LARP1: variants seen among roughly 807,000 people sequenced by gnomAD.
LARP1 encodes the protein la-related protein 1.
LARP1 carries 36 observed loss-of-function variants against 122.7 expected under a neutral mutation model. The observed-to-expected ratio is 0.29, with a 90% CI of 0.22 to 0.39. LARP1 has a LOEUF of 0.39. Ranked by LOEUF, LARP1 falls within the 10% of genes least tolerant of loss-of-function variation. LARP1 has a pLI of 1.00. For missense variants in LARP1, 1,040 were observed against 1,403.6 expected (o/e 0.74, Z 4.14); for synonymous variants, 539 against 528.7 (o/e 1.02, Z -0.27).
At chr5:154,768,240 G>A (rs1755109913) in intron 1 of LARP1, among the ~76,000 whole-genome samples, 2 of 152,188 alleles carry the variant, frequency 1.3e-5, no homozygotes, top group Non-Finnish European at 2.9e-5. Context: ...ATGATTTGTT[G>A]TAGGGTTCTG....
Position 154,713,112 on chromosome 5 carries a change from G to T in LARP1, c.187G>T (p.Ala63Ser), listed in dbSNP as rs147372506. 7.1e-5 allele frequency: 114 copies of T among 1,613,664 alleles called. 2 individuals are homozygous for T. In the East Asian group the frequency reaches 2.3e-3, roughly 32 times the overall value. ...GAAGCCATTGCCATTCCCTGTCCTGGCCCCCTTCAGCAACCCTGGTGAGTC... is the reference window on the plus strand; with the variant it reads ...GAAGCCATTGCCATTCCCTGTCCTGTCCCCCTTCAGCAACCCTGGTGAGTC... Residue 63 changes from alanine to serine, a missense_variant, in exon 1 of 19, where the codon GCC becomes TCC. Transcript: ENST00000336314.
intron 1 of LARP1, among the ~76,000 whole-genome samples, chr5:154,739,817 C>T (rs1343225483): frequency 6.6e-6 from 1 of 152,224 alleles, no homozygotes; most frequent in Non-Finnish European, 1.5e-5. Flanking sequence ...AGCCACCCCT[C>T]TGAATTTCCA....
At chr5:154,792,500 C>T (rs1259099879) in intron 3 of LARP1, 122 bp from the exon 4 acceptor site, 1 of 844,250 alleles carries the variant, frequency 1.2e-6, no homozygotes, top group African/African-American at 1.7e-5. Flanking sequence ...AGAATACATC[C>T]CATCCAGCCT....
chr5:154,742,729 C>CAAAAAA (rs542787090), intron 1 of LARP1, among the ~76,000 whole-genome samples: 1 of 77,408 alleles, frequency 1.3e-5, no homozygotes, highest in African/African-American at 4.9e-5. Context: ...GACCCTGTCT[C>CAAAAAA]AAAAAAAAAA....
intron 1 of LARP1, among the ~76,000 whole-genome samples, chr5:154,695,923 G>A (rs1006685962): frequency 1.3e-5 from 2 of 152,032 alleles, no homozygotes; most frequent in African/African-American, 4.8e-5. Flanking sequence ...CTCCATACAC[G>A]GAATCACAAT....
chr5:154,703,305 G>T (rs1314868649), intron 1 of LARP1, among the ~76,000 whole-genome samples: 1 of 152,118 alleles, frequency 6.6e-6, no homozygotes, highest in South Asian at 2.1e-4. Flanking sequence ...TGAAATAAAG[G>T]ACCTTATGCC....
At position 154,755,686 on chromosome 5, in the gene LARP1, C is replaced by G. The variant is rs188723605; in HGVS notation, c.-72C>G. 1.0e-6 allele frequency: 1 copy of G among 987,702 alleles called. No individual in the cohort carries two copies. The highest frequency in any genetic ancestry group is 1.7e-5 in the African/African-American group (1 of 57,242). 61.2% of individuals were successfully genotyped at this position (987,702 alleles called of 1,614,324 possible). ...CCCGGAGGAAGGCGTCGCGGGCGCT[C>G]TGCTAGCCAAGTTCGAGGCGGGGGA... On this transcript the variant is annotated 5_prime_UTR_variant, in exon 1 of 19. Transcript: ENST00000518297.
chr5:154,694,832 T>G (rs2113221243), intron 1 of LARP1, among the ~76,000 whole-genome samples: 1 of 152,200 alleles, frequency 6.6e-6, no homozygotes, highest in East Asian at 1.9e-4. Context: ...GTATAGGTAT[T>G]TGGTTTATTG....
Position 154,755,647 on chromosome 5 carries a change from C to G in LARP1, c.-111C>G. 1 of 987,640 alleles carries G rather than the reference C, an allele frequency of 1.0e-6. No individual in the cohort carries two copies. The highest frequency in any genetic ancestry group is 1.2e-6 in the Non-Finnish European group (1 of 830,216). The allele number at this position is 987,640 out of a possible 1,614,324, so 61.2% of individuals were successfully genotyped here. A position where few individuals can be genotyped will look rare whatever the true frequency, so the allele number is the denominator to read the frequency against. Reference sequence around the variant, plus strand: ...GAACCCCGACCCTTCTCTGCAGGGACTGGGGCCCAGCGCCCCGGAGGAAGG... The same window carrying G: ...GAACCCCGACCCTTCTCTGCAGGGAGTGGGGCCCAGCGCCCCGGAGGAAGG... On this transcript the variant is annotated 5_prime_UTR_variant, in exon 1 of 19. Transcript: ENST00000518297.
intron 1 of LARP1, among the ~76,000 whole-genome samples, chr5:154,761,422 T>C (rs1401650908): frequency 1.3e-5 from 2 of 152,136 alleles, no homozygotes; most frequent in East Asian, 1.9e-4. Context: ...TTAATAGCTG[T>C]TACTGAGCAC....
At chr5:154,791,134 G>GTTT (rs778607471) in intron 3 of LARP1, among the ~76,000 whole-genome samples, 84 of 116,272 alleles carry the variant, frequency 7.2e-4, no homozygotes, top group African/African-American at 2.6e-3. Context: ...GTTTTTTGTT[G>GTTT]TTTTTTTTTT....
At chr5:154,706,331 T>TAAA (rs1754948278) in intron 1 of LARP1, among the ~76,000 whole-genome samples, 1 of 121,154 alleles carries the variant, frequency 8.3e-6, no homozygotes, top group Non-Finnish European at 1.9e-5. Flanking sequence ...ATAATAATAA[T>TAAA]AATAAAATGT....
chr5:154,727,757 C>T (rs1428005158), intron 1 of LARP1, among the ~76,000 whole-genome samples: 1 of 152,084 alleles, frequency 6.6e-6, no homozygotes, highest in Non-Finnish European at 1.5e-5. Context: ...TAAATACATA[C>T]AACTTTATCT....
intron 1 of LARP1, among the ~76,000 whole-genome samples, chr5:154,737,436 C>CTCTTT (rs1756962126): frequency 1.0e-5 from 1 of 95,304 alleles, no homozygotes; most frequent in African/African-American, 4.4e-5. Flanking sequence ...GAATTTTTCT[C>CTCTTT]TTTTTTTTTT....
chr5:154,772,890 T>C (rs989053893), intron 1 of LARP1, among the ~76,000 whole-genome samples: 11 of 151,938 alleles, frequency 7.2e-5, no homozygotes, highest in African/African-American at 2.7e-4. Context: ...TTTTTCCGTG[T>C]CGGTCAGTCT....
chr5:154,719,861 CAAAA>C (rs11291255), intron 1 of LARP1, among the ~76,000 whole-genome samples: 3 of 122,126 alleles, frequency 2.5e-5, no homozygotes, highest in Non-Finnish European at 3.5e-5. Flanking sequence ...GACTCTGTCT[CAAAA>C]AAAAAAAAAA....
intron 8 of LARP1, among the ~76,000 whole-genome samples, chr5:154,795,948 TA>T: frequency 8.6e-6 from 1 of 116,060 alleles, no homozygotes; most frequent in Non-Finnish European, 1.7e-5. Flanking sequence ...TATATTTATA[TA>T]TTATATATAT....
intron 1 of LARP1, among the ~76,000 whole-genome samples, chr5:154,692,232 A>G (rs533975062): frequency 5.1e-4 from 77 of 152,304 alleles, no homozygotes; most frequent in Admixed American, 3.3e-4. Context: ...CCTCACCTTA[A>G]GGAAGTGCTT....
intron 15 of LARP1, among the ~76,000 whole-genome samples, chr5:154,806,956 C>A (rs1758840992): frequency 6.6e-6 from 1 of 152,138 alleles, no homozygotes; most frequent in South Asian, 2.1e-4. Context: ...ACCAGTCATA[C>A]TCATTATACA....
Sources: allele counts gnomAD v4.1 joint callset (sites outside exome capture counted in the v4.1 genomes callset), GRCh38; gene constraint gnomAD v4.1.1; transcripts MANE v1.5; gene names NCBI Gene and HGNC (gene_info 2026-07-23, HGNC 2026-07-21).